Variants in PDZRN4 observed in about 807,000 individuals in gnomAD.
PDZRN4 encodes the protein PDZ domain containing ring finger 4.
A neutral mutation model predicts 99.0 loss-of-function variants in PDZRN4; 70 were observed. The ratio of observed to expected loss-of-function variants is 0.71; its 90% CI spans 0.58 to 0.86. PDZRN4 has a LOEUF of 0.86. Among genes scored for constraint, PDZRN4 ranks in the 40% least tolerant of loss-of-function variants. The probability of loss-of-function intolerance (pLI) is 0.00; values close to 1 mark genes in which losing one functional copy is unlikely to be tolerated. For missense variants in PDZRN4, 1,474 were observed against 1,331.2 expected (o/e 1.11, Z -1.67); for synonymous variants, 551 against 501.6 (o/e 1.10, Z -1.32).
chr12:41,509,628 G>A (rs1236612300), intron 4 of PDZRN4, 183 bp from the exon 5 acceptor site: 2 of 408,734 alleles, frequency 4.9e-6, no homozygotes, highest in East Asian at 8.2e-5. Context: ...GCAAATTGAT[G>A]GACTTCACGT....
intron 3 of PDZRN4, among the ~76,000 whole-genome samples, chr12:41,422,687 G>A (rs148915207): frequency 2.6e-5 from 4 of 152,128 alleles, no homozygotes; most frequent in East Asian, 1.9e-4. Context: ...GGGGGAAACG[G>A]CCCCCATGAT....
Position 41,543,443 on chromosome 12 carries a change from T to C in PDZRN4, c.1204-9213T>C, listed in dbSNP as rs183023969. Among the ~76,000 whole-genome samples, 108 of 152,316 alleles carry C rather than the reference T, an allele frequency of 7.1e-4. 1 individual carries two copies. Among genetic ancestry groups the C allele is most frequent in the African/African-American group, 2.5e-3 (103 of 41,562 alleles). ...AATGCTGGCTCTGAATTTCCTCATT[T>C]ATAACATAAAATTTGTAGATAATAC... On this transcript the variant is annotated intron_variant, in intron 5 of 9. Coordinates refer to ENST00000402685, the MANE Select transcript of PDZRN4 (RefSeq NM_001164595.2).
At chr12:41,545,510 TG>T (rs1254172548) in intron 5 of PDZRN4, among the ~76,000 whole-genome samples, 1 of 12,576 alleles carries the variant, frequency 8.0e-5, no homozygotes, top group Non-Finnish European at 1.4e-4. Context: ...ATGATATTAA[TG>T]TGTGTGTGTG....
At chr12:41,524,191 T>C (rs1026461767) in intron 5 of PDZRN4, among the ~76,000 whole-genome samples, 4 of 152,056 alleles carry the variant, frequency 2.6e-5, no homozygotes, top group African/African-American at 9.7e-5. Flanking sequence ...TAAAATAATA[T>C]TGAAATAAAT....
chr12:41,500,768 CT>C (rs1162679266), intron 3 of PDZRN4, among the ~76,000 whole-genome samples: 1 of 152,030 alleles, frequency 6.6e-6, no homozygotes, highest in Non-Finnish European at 1.5e-5. Flanking sequence ...GCTGAAATTT[CT>C]TAAAATTAAT....
chr12:41,478,103 A>T (rs1454332351), intron 3 of PDZRN4, among the ~76,000 whole-genome samples: 1 of 152,072 alleles, frequency 6.6e-6, no homozygotes, highest in Non-Finnish European at 1.5e-5. Flanking sequence ...CACTAATAAT[A>T]CATTAAATTT....
rs563491632 is a variant in PDZRN4 at position 41,359,669 on chromosome 12, A to G, written c.844-146787A>G. Among the ~76,000 whole-genome samples the G allele has an allele frequency of 2.6e-5, 4 of 151,736 alleles. No individual in the cohort carries two copies. The South Asian group carries it at 6.2e-4, about 24-fold the overall frequency. On this transcript the variant is annotated intron_variant, in intron 3 of 9. Coordinates refer to ENST00000402685, the MANE Select transcript of PDZRN4 (RefSeq NM_001164595.2). The stretch of plus-strand genomic sequence containing the variant: ...GCTCTCTTTTTGCCTGTCTCCATAT[A>G]TGACGTGGCTTTGCTCCTCCTTTAC...
chr12:41,570,609 T>C (rs1436885989), intron 9 of PDZRN4, among the ~76,000 whole-genome samples: 1 of 152,148 alleles, frequency 6.6e-6, no homozygotes, highest in South Asian at 2.1e-4. Context: ...CTAGTCTTCT[T>C]GTATTTTTCA....
At chr12:41,229,703 G>A (rs1417672007) in intron 3 of PDZRN4, among the ~76,000 whole-genome samples, 1 of 152,000 alleles carries the variant, frequency 6.6e-6, no homozygotes, top group Admixed American at 6.6e-5. Flanking sequence ...AACCCTTCTT[G>A]TGCTGGCCTT....
At chr12:41,409,587 C>A (rs1207043836) in intron 3 of PDZRN4, 5 of 152,010 alleles carry the variant, frequency 3.3e-5, no homozygotes, top group Admixed American at 3.3e-4. Flanking sequence ...TCAGAAATAC[C>A]AACGTATGAA....
In PDZRN4 at chr12:41,572,424, C is replaced by T; in HGVS notation, c.1645C>T (p.His549Tyr). The T allele has an allele frequency of 6.2e-7, 1 of 1,614,066 alleles. No individual in the cohort carries two copies. Among genetic ancestry groups the T allele is most frequent in the African/African-American group, 1.3e-5 (1 of 75,028 alleles). Residue 549 changes from histidine to tyrosine, a missense_variant, in exon 10 of 10, where the codon CAT (histidine) becomes TAT (tyrosine). Physicochemically the swap from His to Tyr is moderately conservative, Grantham distance 83 (BLOSUM62 2). Transcript: ENST00000402685. ...TDTATSSSNN[H>Y]EKDSGVGRTD... The stretch of plus-strand genomic sequence containing the variant: ...CACTGCAACATCCTCATCCAACAAC[C>T]ATGAGAAGGACAGTGGAGTAGGACG...
intron 5 of PDZRN4, among the ~76,000 whole-genome samples, chr12:41,520,989 CA>C (rs1365964251): frequency 4.6e-5 from 7 of 152,126 alleles, no homozygotes; most frequent in African/African-American, 1.7e-4. Context: ...ACATTTAAGG[CA>C]ACATATGTTT....
chr12:41,537,113 A>G (rs1056727001), intron 5 of PDZRN4, among the ~76,000 whole-genome samples: 5 of 152,174 alleles, frequency 3.3e-5, no homozygotes, highest in African/African-American at 9.7e-5. Flanking sequence ...GTCTGAGCAT[A>G]GTATAGGGCC....
chr12:41,269,419 A>G (rs1414713648), intron 3 of PDZRN4, among the ~76,000 whole-genome samples: 27 of 152,182 alleles, frequency 1.8e-4, no homozygotes, highest in Non-Finnish European at 1.0e-4. Context: ...CTTGCAGCCC[A>G]ACATAATTGA....
intron 3 of PDZRN4, among the ~76,000 whole-genome samples, chr12:41,410,354 C>T (rs955772618): frequency 6.6e-6 from 1 of 152,110 alleles, no homozygotes; most frequent in Non-Finnish European, 1.5e-5. Context: ...TACATACATA[C>T]GTACACGTAA....
chr12:41,345,927 A>G (rs1177476560), intron 3 of PDZRN4, among the ~76,000 whole-genome samples: 1 of 152,108 alleles, frequency 6.6e-6, no homozygotes, highest in African/African-American at 2.4e-5. Flanking sequence ...TATTACATGT[A>G]TATTATTACC....
chr12:41,402,925 CGTG>C (rs1952314618), intron 3 of PDZRN4, among the ~76,000 whole-genome samples: 2 of 151,740 alleles, frequency 1.3e-5, no homozygotes, highest in Non-Finnish European at 1.5e-5. Flanking sequence ...AAGCTAATAT[CGTG>C]GTATCAAATT....
chr12:41,527,817 C>T (rs1447061063), intron 5 of PDZRN4, among the ~76,000 whole-genome samples: 1 of 152,184 alleles, frequency 6.6e-6, no homozygotes, highest in Non-Finnish European at 1.5e-5. Context: ...CAGCTGCCAG[C>T]ATTTGCAGCC....
chr12:41,541,071 C>T (rs1171081981), intron 5 of PDZRN4, among the ~76,000 whole-genome samples: 1 of 151,930 alleles, frequency 6.6e-6, no homozygotes, highest in African/African-American at 2.4e-5. Context: ...ACTACAGGCA[C>T]CCACCACCAT....
Sources: gnomAD v4.1 joint callset for allele counts (sites outside exome capture counted in the v4.1 genomes callset) on GRCh38, gnomAD v4.1.1 for gene constraint, MANE v1.5 for transcripts, NCBI Gene and HGNC (gene_info 2026-07-23, HGNC 2026-07-21) for gene names.